Variants in METTL15 observed in about 807,000 individuals in gnomAD.
The protein encoded by METTL15 is methyltransferase 15, mitochondrial 12S rRNA N4-cytidine, also known as 12S rRNA N(4)-cytidine methyltransferase METTL15.
Under a neutral mutation model 38.3 loss-of-function variants are expected in METTL15, and 34 were observed. That is an observed-to-expected ratio of 0.89 (90% CI 0.68 to 1.18). The LOEUF (loss-of-function observed/expected upper bound fraction) is 1.18, where lower values mean the gene tolerates loss of function less well. Ranked by LOEUF, METTL15 falls within the 50% of genes most tolerant of loss-of-function variation. The pLI, the probability that METTL15 is intolerant of heterozygous loss-of-function variation, is 0.00. For synonymous variants in METTL15, 162 were observed against 170.9 expected (o/e 0.95, Z 0.41); for missense variants, 438 against 498.4 (o/e 0.88, Z 1.15).
chr11:28,235,763 T>C (rs1590199663), intron 4 of METTL15, among the ~76,000 whole-genome samples: 1 of 152,298 alleles, frequency 6.6e-6, no homozygotes, highest in East Asian at 1.9e-4. Context: ...CAGGGACAAT[T>C]TGACTTCCTG....
intron 6 of METTL15, among the ~76,000 whole-genome samples, chr11:28,504,215 AAAAG>A (rs1851608684): frequency 1.3e-5 from 2 of 151,498 alleles, no homozygotes; most frequent in African/African-American, 2.4e-5. Flanking sequence ...AAAAAAAAAA[AAAAG>A]AGAGGGAGAA....
At chr11:28,218,940 G>C (rs543555004) in intron 4 of METTL15, among the ~76,000 whole-genome samples, 2 of 152,178 alleles carry the variant, frequency 1.3e-5, no homozygotes, top group East Asian at 3.8e-4. Flanking sequence ...GCTCTTTGAT[G>C]TGTTGCTGGA....
intron 3 of METTL15, among the ~76,000 whole-genome samples, chr11:28,127,289 A>G (rs1852530581): frequency 6.6e-6 from 1 of 152,104 alleles, no homozygotes; most frequent in African/African-American, 2.4e-5. Flanking sequence ...TTAAGAGGTA[A>G]AAAGCATAGG....
At chr11:28,241,936 G>A (rs1854317219) in intron 4 of METTL15, among the ~76,000 whole-genome samples, 2 of 152,204 alleles carry the variant, frequency 1.3e-5, no homozygotes, top group South Asian at 4.1e-4. Flanking sequence ...TATTCTAAGT[G>A]AAATGGGAAA....
At chr11:28,514,005 C>A (rs1468211527) in intron 6 of METTL15, among the ~76,000 whole-genome samples, 1 of 152,218 alleles carries the variant, frequency 6.6e-6, no homozygotes, top group Non-Finnish European at 1.5e-5. Flanking sequence ...CTGTTCCCAA[C>A]AATGGGGATC....
chr11:28,303,727 A>G (rs1398379950), intron 6 of METTL15, among the ~76,000 whole-genome samples: 1 of 152,182 alleles, frequency 6.6e-6, no homozygotes, highest in African/African-American at 2.4e-5. Context: ...GCCAAAGTAA[A>G]AATGAAAATT....
At chr11:28,297,819 A>C (rs540208077) in intron 6 of METTL15, among the ~76,000 whole-genome samples, 35 of 152,202 alleles carry the variant, frequency 2.3e-4, no homozygotes, top group Admixed American at 2.0e-3. Flanking sequence ...AATTTTAAGA[A>C]GTTTTTAAAA....
chr11:28,213,302 T>C (rs891406567), intron 4 of METTL15, among the ~76,000 whole-genome samples: 5 of 151,766 alleles, frequency 3.3e-5, no homozygotes, highest in African/African-American at 1.2e-4. Flanking sequence ...AGAAAAAAAT[T>C]GAAAGGATAA....
At chr11:28,255,839 G>A (rs887868162) in intron 4 of METTL15, among the ~76,000 whole-genome samples, 3 of 152,166 alleles carry the variant, frequency 2.0e-5, no homozygotes, top group African/African-American at 7.2e-5. Context: ...AAGTGTCTGG[G>A]ATTACAGGCA....
At chr11:28,219,108 T>A (rs957062392) in intron 4 of METTL15, among the ~76,000 whole-genome samples, 1 of 152,208 alleles carries the variant, frequency 6.6e-6, no homozygotes, top group African/African-American at 2.4e-5. Context: ...CTTTTTCTAT[T>A]GATTGGAATA....
chr11:28,271,203 C>T (rs1382531514), intron 4 of METTL15, among the ~76,000 whole-genome samples: 1 of 152,122 alleles, frequency 6.6e-6, no homozygotes, highest in Non-Finnish European at 1.5e-5. Context: ...ACCTAGCAAT[C>T]CCACAAATAC....
At chr11:28,117,432 A>G (rs531472130) in intron 3 of METTL15, among the ~76,000 whole-genome samples, 1 of 152,028 alleles carries the variant, frequency 6.6e-6, no homozygotes, top group Non-Finnish European at 1.5e-5. Flanking sequence ...CTTATGTTGC[A>G]CTAAGCCATG....
At chr11:28,381,465 A>G (rs1023051177) in intron 5 of METTL15, among the ~76,000 whole-genome samples, 4 of 151,668 alleles carry the variant, frequency 2.6e-5, no homozygotes, top group Non-Finnish European at 5.9e-5. Context: ...CTATTGCTCA[A>G]CTCTTTCTTG....
Position 28,207,427 on chromosome 11 carries a change from G to A in METTL15, c.271-3635G>A, listed in dbSNP as rs369343046. ...GGATTACATTTATTGATTTGCATAT[G>A]TTGAACCAGCCTTGCATCCCAGGGA... is the stretch of plus-strand genomic sequence containing the variant. On this transcript the variant is annotated intron_variant, in intron 3 of 6. Coordinates refer to ENST00000407364, the MANE Select transcript of METTL15 (RefSeq NM_001113528.2). Among the ~76,000 whole-genome samples, 4 of 152,202 alleles carry A rather than the reference G, an allele frequency of 2.6e-5. No homozygotes were observed. The South Asian group carries it at 6.2e-4, about 24-fold the overall frequency.
chr11:28,349,883 TAAC>T (rs1376637264), intron 3 of METTL15, among the ~76,000 whole-genome samples: 2 of 152,218 alleles, frequency 1.3e-5, no homozygotes, highest in Admixed American at 6.5e-5. Flanking sequence ...TTACAAATGT[TAAC>T]AATGATGTAA....
chr11:28,189,166 T>A (rs1851611729), intron 3 of METTL15, among the ~76,000 whole-genome samples: 1 of 151,356 alleles, frequency 6.6e-6, no homozygotes, highest in African/African-American at 2.4e-5. Flanking sequence ...CCACAGGAAA[T>A]ATTAAATAGT....
At chr11:28,208,837 G>T (rs1852491085) in intron 3 of METTL15, among the ~76,000 whole-genome samples, 1 of 151,938 alleles carries the variant, frequency 6.6e-6, no homozygotes, top group Non-Finnish European at 1.5e-5. Flanking sequence ...CAATTGTGGT[G>T]CTGGTTGGCT....
intron 6 of METTL15, among the ~76,000 whole-genome samples, chr11:28,310,965 G>GTGTGTGT (rs1565244523): frequency 1.3e-5 from 1 of 77,482 alleles, no homozygotes; most frequent in African/African-American, 6.1e-5. Flanking sequence ...GGTGGTGGTG[G>GTGTGTGT]GTGTGTGTGT....
At position 28,394,485 on chromosome 11, in the gene METTL15, G is replaced by A. The variant is rs190288623; in HGVS notation, c.*359-29814G>A. Among the ~76,000 whole-genome samples, 4 of 152,116 alleles carry A rather than the reference G, an allele frequency of 2.6e-5. No individual in the cohort carries two copies. The East Asian group carries it at 5.8e-4, about 22-fold the overall frequency. On this transcript the variant is annotated intron_variant and NMD_transcript_variant, in intron 5 of 7. Transcript: ENST00000532947. ...CTCACACACTCTGGCTCACAAGGAG[G>A]GGGGTGGAAGTTATAAAAAGGAGTG...
Sources: allele counts gnomAD v4.1 joint callset (sites outside exome capture counted in the v4.1 genomes callset), GRCh38; gene constraint gnomAD v4.1.1; transcripts MANE v1.5; gene names NCBI Gene and HGNC (gene_info 2026-07-23, HGNC 2026-07-21).